Variants in SGCG observed in about 807,000 individuals in gnomAD.
The protein encoded by SGCG is gamma-sarcoglycan.
A neutral mutation model predicts 29.3 loss-of-function variants in SGCG; 26 were observed. That is an observed-to-expected ratio of 0.89 (90% CI 0.65 to 1.23). The LOEUF (loss-of-function observed/expected upper bound fraction) is 1.23, where lower values mean the gene tolerates loss of function less well. SGCG is among the 50% of genes most tolerant of loss of function. The pLI, the probability that SGCG is intolerant of heterozygous loss-of-function variation, is 0.00. For missense variants in SGCG, 353 were observed against 356.0 expected, an observed-to-expected ratio of 0.99 and a Z score of 0.07; for synonymous variants, 145 against 129.7, an observed-to-expected ratio of 1.12 and a Z score of -0.80.
At chr13:23,250,580 A>G in intron 3 of SGCG, 50 bp from the exon 4 acceptor site, 1 of 850,406 alleles carries the variant, frequency 1.2e-6, no homozygotes, top group Non-Finnish European at 2.0e-6. Context: ...ATAAAGATAT[A>G]ATCATTTTAA....
At chr13:23,289,219 C>G (rs1222144957) in intron 5 of SGCG, among the ~76,000 whole-genome samples, 1 of 152,186 alleles carries the variant, frequency 6.6e-6, no homozygotes, top group Non-Finnish European at 1.5e-5. Flanking sequence ...CGATCAACGC[C>G]GTGCTGCAGT....
At chr13:23,254,390 A>G (rs1880098080) in intron 4 of SGCG, among the ~76,000 whole-genome samples, 1 of 152,148 alleles carries the variant, frequency 6.6e-6, no homozygotes, top group South Asian at 2.1e-4. Context: ...AACCTATGGA[A>G]GTTTGAATTT....
chr13:23,214,915 A>T (rs564900284), intron 2 of SGCG, among the ~76,000 whole-genome samples: 1 of 152,342 alleles, frequency 6.6e-6, no homozygotes, highest in African/African-American at 2.4e-5. Context: ...GGAGGAAGAT[A>T]AACCTAAAGC....
chr13:23,250,609 A>G, intron 3 of SGCG, 21 bp from the exon 4 acceptor site: 1 of 1,478,844 alleles, frequency 6.8e-7, no homozygotes, highest in Non-Finnish European at 9.4e-7. Flanking sequence ...TATTTTGCAA[A>G]TTTTATAAAT....
intron 4 of SGCG, among the ~76,000 whole-genome samples, chr13:23,266,522 A>G (rs993670616): frequency 7.2e-5 from 11 of 152,114 alleles, no homozygotes; most frequent in African/African-American, 2.4e-4. Context: ...CAGAGTGGTA[A>G]AATGAGCGTT....
chr13:23,290,981 C>T (rs922143959), intron 5 of SGCG, among the ~76,000 whole-genome samples: 1 of 152,214 alleles, frequency 6.6e-6, no homozygotes, highest in Non-Finnish European at 1.5e-5. Context: ...CCTTCATGAC[C>T]GTCTCAATCC....
At chr13:23,212,392 A>ATTTTTGTACATATACCTTTTT (rs74387559) in intron 2 of SGCG, among the ~76,000 whole-genome samples, 1 of 151,634 alleles carries the variant, frequency 6.6e-6, no homozygotes, top group Non-Finnish European at 1.5e-5. Flanking sequence ...GCACACCACA[A>ATTTTTGTACATATACCTTTTT]TTTTCTGGTT....
chr13:23,234,702 A>T lies in SGCG; in HGVS notation c.287A>T (p.His96Leu), dbSNP rs1879244781. ...TTCCCATTGTATGCCAAAGAAATAC[A>T]CTCCAGAGTGGTAAGAAAATGTTAA... is the stretch of plus-strand genomic sequence containing the variant. ...FLFPLYAKEI[H>L]SRVDSSLLLQ... The change falls in exon 3 of 8, where the codon CAC becomes CTC. Residue 96 changes from histidine (H) to leucine (L), a missense_variant. Coordinates refer to ENST00000218867, the MANE Select transcript of SGCG (RefSeq NM_000231.3). 6.3e-7 allele frequency: 1 copy of T among 1,579,054 alleles called. No homozygotes were observed. Among genetic ancestry groups the T allele is most frequent in the East Asian group, 2.2e-5 (1 of 44,646 alleles).
rs1883187210 is a variant in SGCG, at chr13:23,325,106, C to T, written c.*565C>T. The T allele has an allele frequency of 6.2e-6, 1 of 160,312 alleles. No individual in the cohort carries two copies. The highest frequency in any genetic ancestry group is 2.4e-5 in the African/African-American group (1 of 41,630). The allele number at this position is 160,312 out of a possible 1,614,324, so 9.9% of individuals were successfully genotyped here. On this transcript the variant is annotated 3_prime_UTR_variant, in exon 8 of 8. Coordinates refer to ENST00000218867, the MANE Select transcript of SGCG (RefSeq NM_000231.3). Reference sequence around the variant, plus strand: ...AAGATGTAGTTAAAGGAATAAATCACTCAAAATTAAACTTTCTGTATATAG... The same window carrying T: ...AAGATGTAGTTAAAGGAATAAATCATTCAAAATTAAACTTTCTGTATATAG...
intron 4 of SGCG, among the ~76,000 whole-genome samples, chr13:23,252,760 T>C (rs1880024460): frequency 6.6e-6 from 1 of 152,122 alleles, no homozygotes; most frequent in Non-Finnish European, 1.5e-5. Flanking sequence ...CTGTTTATCT[T>C]TTTGTTGGGT....
intron 5 of SGCG, among the ~76,000 whole-genome samples, chr13:23,289,394 A>T (rs148409241): frequency 1.1e-4 from 17 of 152,356 alleles, no homozygotes; most frequent in Middle Eastern, 3.4e-3. Context: ...CTCTGCAAGT[A>T]TGTTGATATT....
intron 4 of SGCG, among the ~76,000 whole-genome samples, chr13:23,261,604 A>G (rs1178015733): frequency 6.6e-6 from 1 of 152,104 alleles, no homozygotes; most frequent in Non-Finnish European, 1.5e-5. Flanking sequence ...ATTTAGGAAA[A>G]CTTTCCTGGC....
At chr13:23,315,690 C>T (rs985368026) in intron 6 of SGCG, among the ~76,000 whole-genome samples, 4 of 152,120 alleles carry the variant, frequency 2.6e-5, no homozygotes, top group Non-Finnish European at 4.4e-5. Flanking sequence ...TTGTGCACTT[C>T]GCATGGAAGG....
At chr13:23,316,961 C>A (rs983675283) in intron 6 of SGCG, among the ~76,000 whole-genome samples, 3 of 152,140 alleles carry the variant, frequency 2.0e-5, no homozygotes, top group African/African-American at 7.2e-5. Flanking sequence ...AATCCCAGCA[C>A]TTTGGGAGGC....
At chr13:23,203,392 A>T (rs1051208366) in intron 1 of SGCG, among the ~76,000 whole-genome samples, 1 of 152,226 alleles carries the variant, frequency 6.6e-6, no homozygotes, top group Non-Finnish European at 1.5e-5. Flanking sequence ...TGATAGATAG[A>T]TACAGAGAAT....
chr13:23,295,125 C>A (rs1199826013), intron 5 of SGCG, among the ~76,000 whole-genome samples: 1 of 151,842 alleles, frequency 6.6e-6, no homozygotes, highest in African/African-American at 2.4e-5. Flanking sequence ...GACTTTTTTT[C>A]TTTTTTGATT....
At chr13:23,198,675 T>C (rs903967684) in intron 1 of SGCG, among the ~76,000 whole-genome samples, 5 of 151,690 alleles carry the variant, frequency 3.3e-5, no homozygotes, top group Non-Finnish European at 5.9e-5. Context: ...TGAAACCCAG[T>C]CTCTATTAAA....
At position 23,246,792 on chromosome 13, in the gene SGCG, C is replaced by T. The variant is rs180689252; in HGVS notation, c.298-3838C>T. ...AAAGAAGCCCATGATGATCCACTGC[C>T]GAGAAGCCGATGAAGACCTACTGGG... On this transcript the variant is annotated intron_variant, in intron 3 of 7. Coordinates refer to ENST00000218867, the MANE Select transcript of SGCG (RefSeq NM_000231.3). 1.3e-3 allele frequency: 275 copies of T among 205,244 alleles called. 1 individual carries two copies. Among genetic ancestry groups the T allele is most frequent in the African/African-American group, 5.9e-3 (255 of 43,202 alleles). The allele number at this position is 205,244 out of a possible 1,614,324, so 12.7% of individuals were successfully genotyped here. A position where few individuals can be genotyped will look rare whatever the true frequency, so the allele number is the denominator to read the frequency against.
chr13:23,262,672 A>G (rs2137588975), intron 4 of SGCG, among the ~76,000 whole-genome samples: 1 of 152,152 alleles, frequency 6.6e-6, no homozygotes, highest in East Asian at 1.9e-4. Context: ...ATATATTTAA[A>G]TAACATTATA....
Sources: allele counts gnomAD v4.1 joint callset (sites outside exome capture counted in the v4.1 genomes callset), GRCh38; gene constraint gnomAD v4.1.1; transcripts MANE v1.5; gene names NCBI Gene and HGNC (gene_info 2026-07-23, HGNC 2026-07-21).